The following OPTN variants were observed in gnomAD, a reference collection of about 807,000 sequenced individuals.
OPTN encodes E3-14.7K-interacting protein.
A neutral mutation model predicts 70.4 loss-of-function variants in OPTN; 54 were observed. That is an observed-to-expected ratio of 0.77 (90% confidence interval 0.62 to 0.96). The LOEUF is 0.96. Among genes scored for constraint, OPTN ranks in the 40% least tolerant of loss-of-function variants. OPTN has a pLI of 0.00. For missense variants in OPTN, 624 were observed against 673.2 expected, an observed-to-expected ratio of 0.93 and a Z score of 0.81; for synonymous variants, 256 against 248.5, an observed-to-expected ratio of 1.03 and a Z score of -0.28.
At chr10:13,115,971 G>A (rs1264412379) in intron 5 of OPTN, among the ~76,000 whole-genome samples, 3 of 152,102 alleles carry the variant, frequency 2.0e-5, no homozygotes, top group Non-Finnish European at 4.4e-5. Context: ...CAAGGAAAGG[G>A]AGGAGCAGAT....
At chr10:13,125,873 G>A (rs1328468893) in intron 10 of OPTN, 73 bp from the exon 11 acceptor site, 3 of 1,112,304 alleles carry the variant, frequency 2.7e-6, no homozygotes, top group Admixed American at 1.8e-5. Context: ...GTGTTCAGAA[G>A]GTTGGGAGGC....
chr10:13,100,098 G>T (rs1221395494), upstream of OPTN: 1 of 152,518 alleles, frequency 6.6e-6, no homozygotes, highest in African/African-American at 2.4e-5. Context: ...GGCAGGGAGC[G>T]GCTGGCTGTC....
At position 13,122,553 on chromosome 10, in the gene OPTN, T is replaced by G. The variant is rs1246781690; in HGVS notation, c.882+66T>G. On this transcript the variant is annotated intron_variant, in intron 8 of 14. Transcript: ENST00000378747. ...CACGAGAGTAGTCCAGCCACTGAAT[T>G]CAAATCTTGTGATGGGTTATTTGCT... The G allele has an allele frequency of 5.8e-6, 6 of 1,029,224 alleles. No homozygotes were observed. In the African/African-American group the frequency reaches 6.3e-5, roughly 11 times the overall value. The allele number at this position is 1,029,224 out of a possible 1,614,324, so 63.8% of individuals were successfully genotyped here.
chr10:13,106,316 T>C (rs1277974511), intron 1 of OPTN, among the ~76,000 whole-genome samples: 2 of 152,226 alleles, frequency 1.3e-5, no homozygotes, highest in African/African-American at 2.4e-5. Context: ...AAAATGAATT[T>C]TACAGAAAAT....
chr10:13,123,591 A>G (rs1833398941), intron 8 of OPTN, among the ~76,000 whole-genome samples: 1 of 152,252 alleles, frequency 6.6e-6, no homozygotes, highest in African/African-American at 2.4e-5. Context: ...AGGCTGCACA[A>G]CAAAAATAGT....
At chr10:13,109,629 C>T (rs150339038) in intron 3 of OPTN, 3,084 of 235,870 alleles carry the variant, frequency 0.013, 103 homozygotes, top group African/African-American at 0.069. Context: ...AGTTCAAGAC[C>T]AGCCTGGGCA....
At chr10:13,109,638 C>A (rs1331489858) in intron 3 of OPTN, 16 of 204,076 alleles carry the variant, frequency 7.8e-5, no homozygotes, top group Non-Finnish European at 1.3e-4. Flanking sequence ...CCAGCCTGGG[C>A]AAGATGGCAA....
At chr10:13,121,519 A>T (rs1056535202) in intron 7 of OPTN, among the ~76,000 whole-genome samples, 2 of 129,192 alleles carry the variant, frequency 1.5e-5, no homozygotes, top group Non-Finnish European at 3.5e-5. Context: ...AAAAAAAAAA[A>T]AAAAAAAAGT....
At chr10:13,113,291 G>T (rs1833049615) in intron 5 of OPTN, among the ~76,000 whole-genome samples, 1 of 152,208 alleles carries the variant, frequency 6.6e-6, no homozygotes, top group Non-Finnish European at 1.5e-5. Context: ...CTCCCAAAGT[G>T]CTGGGATGAC....
rs757772669 is a variant in OPTN, at chr10:13,112,771, T to C, written c.552+136T>C. The C allele has an allele frequency of 2.6e-4, 218 of 846,044 alleles. 1 individual carries two copies. In the Middle Eastern group the frequency reaches 2.7e-3, roughly 10 times the overall value. The allele number at this position is 846,044 out of a possible 1,614,324, so 52.4% of individuals were successfully genotyped here. A position where few individuals can be genotyped will look rare whatever the true frequency, so the allele number is the denominator to read the frequency against. On this transcript the variant is annotated intron_variant, in intron 5 of 14. Transcript: ENST00000378747. Reference sequence around the variant, plus strand: ...CAGTGTAGCAAAGATAAATTGGCTCTCATTTTCTAAGTATAGCATAATGCA... The same window carrying C: ...CAGTGTAGCAAAGATAAATTGGCTCCCATTTTCTAAGTATAGCATAATGCA...
In OPTN at chr10:13,114,805, T is replaced by TATAC. The variant is rs1564358807; in HGVS notation, c.553-1459_553-1458insCATA. Among the ~76,000 whole-genome samples the TATAC allele has an allele frequency of 5.6e-4, 26 of 46,776 alleles. 3 individuals are homozygous for TATAC. Among genetic ancestry groups the TATAC allele is most frequent in the East Asian group, 1.0e-3 (2 of 1,998 alleles). 30.7% of individuals were successfully genotyped at this position (46,776 alleles called of 152,430 possible). A position where few individuals can be genotyped will look rare whatever the true frequency, so the allele number is the denominator to read the frequency against. ...ATATAATTATATAATTATATATACA[T>TATAC]ATATATAATTATATAATTATATAAT... On this transcript the variant is annotated intron_variant, in intron 5 of 14. Coordinates refer to ENST00000378747, the MANE Select transcript of OPTN (RefSeq NM_001008212.2).
intron 3 of OPTN, 94 bp downstream of exon 3, chr10:13,109,382 C>A (rs991871117): frequency 5.4e-6 from 7 of 1,306,434 alleles, no homozygotes; most frequent in Non-Finnish European, 6.6e-6. Context: ...GCTCCCTTCT[C>A]CCCGTTTCCA....
Position 13,123,985 on chromosome 10 carries a change from C to T in OPTN, c.883-10C>T, listed in dbSNP as rs774128248. 21 of 1,593,896 alleles carry T rather than the reference C, an allele frequency of 1.3e-5. No homozygotes were observed. Among genetic ancestry groups the T allele is most frequent in the South Asian group, 3.3e-5 (3 of 90,546 alleles). ...TTGTACAGATATGTTTGGGATTTCC[C>T]GTATGATAGGTTGGAAGCGAAGTGG... On this transcript the variant is annotated splice_polypyrimidine_tract_variant and intron_variant, in intron 8 of 14. Coordinates refer to ENST00000378747, the MANE Select transcript of OPTN (RefSeq NM_001008212.2).
chr10:13,112,440 T>G lies in OPTN; in HGVS notation c.370-13T>G. On this transcript the variant is annotated splice_polypyrimidine_tract_variant and intron_variant, in intron 4 of 14. Transcript: ENST00000378747. ...TTGATCTGTTCATTCACTTTACTCC[T>G]TGTCATCTCCAGGACCCCACTGATG... 7 of 1,613,666 alleles carry G rather than the reference T, an allele frequency of 4.3e-6. No individual in the cohort carries two copies. Among genetic ancestry groups the G allele is most frequent in the Non-Finnish European group, 5.9e-6 (7 of 1,179,688 alleles).
chr10:13,115,451 T>C (rs1388920282), intron 5 of OPTN, among the ~76,000 whole-genome samples: 10 of 103,206 alleles, frequency 9.7e-5, no homozygotes, highest in Admixed American at 1.2e-4. Context: ...TATAATATAT[T>C]CTATATTATA....
At chr10:13,122,056 T>A (rs1427312267) in intron 7 of OPTN, among the ~76,000 whole-genome samples, 1 of 152,226 alleles carries the variant, frequency 6.6e-6, no homozygotes, top group Non-Finnish European at 1.5e-5. Flanking sequence ...TGAGATACCA[T>A]GTTCATGGAA....
intron 1 of OPTN, among the ~76,000 whole-genome samples, chr10:13,107,001 T>C (rs1356977831): frequency 6.6e-6 from 1 of 152,216 alleles, no homozygotes; most frequent in Non-Finnish European, 1.5e-5. Context: ...CTTTTGTGCA[T>C]GCGTGGCTTT....
rs753185069 is a variant in OPTN at position 13,110,436 on chromosome 10, A to AGCTT, written c.331_334dup (p.Gly112AlafsTer13). 1.9e-6 allele frequency: 3 copies of AGCTT among 1,614,014 alleles called. No homozygotes were observed. The Admixed American group carries it at 5.0e-5, about 27-fold the overall frequency. ...CATGAGAATGAGAAATTGAAGGAAGAGCTTGGAAAACTAAAAGGGAAATCA... is the reference window on the plus strand; with the variant it reads ...CATGAGAATGAGAAATTGAAGGAAGAGCTTGCTTGGAAAACTAAAAGGGAAATCA... On this transcript the variant is annotated frameshift_variant, in exon 4 of 15. Coordinates refer to ENST00000378747, the MANE Select transcript of OPTN (RefSeq NM_001008212.2). LOFTEE classifies it high-confidence loss of function.
chr10:13,133,715 T>A, intron 14 of OPTN, 134 bp downstream of exon 14: 1 of 761,868 alleles, frequency 1.3e-6, no homozygotes, highest in Non-Finnish European at 2.3e-6. Flanking sequence ...GTCAGTCTCA[T>A]TACCACAGCA....
Sources: allele counts gnomAD v4.1 joint callset (sites outside exome capture counted in the v4.1 genomes callset), GRCh38; gene constraint gnomAD v4.1.1; transcripts MANE v1.5; gene names NCBI Gene and HGNC (gene_info 2026-07-23, HGNC 2026-07-21).